The following TRAPPC9 variants were observed in gnomAD, a reference collection of about 807,000 sequenced individuals.
The protein encoded by TRAPPC9 is IKK2 binding protein.
TRAPPC9 carries 83 observed loss-of-function variants against 124.0 expected under a neutral mutation model. The observed-to-expected ratio is 0.67, with a 90% CI of 0.56 to 0.80. TRAPPC9 has a LOEUF of 0.80. TRAPPC9 is among the 30% of genes least tolerant of loss of function. The probability of loss-of-function intolerance (pLI) is 0.00; values close to 1 mark genes in which losing one functional copy is unlikely to be tolerated. For synonymous variants in TRAPPC9, 638 were observed against 617.5 expected (o/e 1.03, Z -0.49); for missense variants, 1,302 against 1,508.3 (o/e 0.86, Z 2.27).
chr8:140,329,301 T>C (rs1041946206), intron 9 of TRAPPC9, among the ~76,000 whole-genome samples: 2 of 152,150 alleles, frequency 1.3e-5, no homozygotes, highest in Admixed American at 1.3e-4. Flanking sequence ...AAACATCTGT[T>C]GGGATCACCA....
At chr8:139,914,383 C>T (rs1831963340) in intron 19 of TRAPPC9, among the ~76,000 whole-genome samples, 1 of 152,248 alleles carries the variant, frequency 6.6e-6, no homozygotes. Flanking sequence ...GCTGAGATCA[C>T]CTATTGCAGT....
chr8:140,385,329 C>A (rs1457236943), intron 7 of TRAPPC9, among the ~76,000 whole-genome samples: 1 of 152,036 alleles, frequency 6.6e-6, no homozygotes, highest in Non-Finnish European at 1.5e-5. Flanking sequence ...CAGAGCAGAA[C>A]TGAAGGAGAT....
chr8:139,905,627 G>A (rs1308181164), intron 20 of TRAPPC9, among the ~76,000 whole-genome samples: 2 of 152,118 alleles, frequency 1.3e-5, no homozygotes, highest in Non-Finnish European at 2.9e-5. Context: ...AACTGCCTGT[G>A]TCTGACCAGG....
chr8:139,797,895 T>C (rs774254101), intron 21 of TRAPPC9, among the ~76,000 whole-genome samples: 32 of 152,360 alleles, frequency 2.1e-4, no homozygotes, highest in South Asian at 1.0e-3. Flanking sequence ...GTCTTGATTA[T>C]TGCAGCTTTG....
At chr8:140,157,917 T>A (rs937006204) in intron 17 of TRAPPC9, among the ~76,000 whole-genome samples, 1 of 152,256 alleles carries the variant, frequency 6.6e-6, no homozygotes, top group Admixed American at 6.5e-5. Flanking sequence ...CACACTGTTT[T>A]ATAACTTGCC....
chr8:139,805,034 G>A (rs533993253), intron 21 of TRAPPC9, among the ~76,000 whole-genome samples: 1 of 152,310 alleles, frequency 6.6e-6, no homozygotes, highest in East Asian at 1.9e-4. Context: ...CCCCTGGAGA[G>A]GGGTCCTCAT....
chr8:140,141,420 A>G (rs948098541), intron 17 of TRAPPC9, among the ~76,000 whole-genome samples: 1 of 152,066 alleles, frequency 6.6e-6, no homozygotes, highest in Middle Eastern at 3.2e-3. Context: ...GATTTTTTTA[A>G]AACCCAGTAC....
At chr8:140,035,839 G>A (rs1039592585) in intron 17 of TRAPPC9, among the ~76,000 whole-genome samples, 2 of 152,224 alleles carry the variant, frequency 1.3e-5, no homozygotes, top group South Asian at 4.1e-4. Context: ...ACCAGGCAAG[G>A]CGGTAAACTG....
intron 19 of TRAPPC9, among the ~76,000 whole-genome samples, chr8:139,961,801 G>T (rs1215084209): frequency 8.1e-6 from 1 of 123,816 alleles, no homozygotes; most frequent in Non-Finnish European, 1.9e-5. Context: ...TGGACCAGTC[G>T]GCAGGCACTT....
intron 21 of TRAPPC9, among the ~76,000 whole-genome samples, chr8:139,794,919 C>T (rs768799930): frequency 1.3e-5 from 2 of 152,206 alleles, no homozygotes; most frequent in Non-Finnish European, 2.9e-5. Context: ...CACCTGACAT[C>T]AGGTCCATGG....
At chr8:140,292,462 C>T (rs770374773) in intron 11 of TRAPPC9, among the ~76,000 whole-genome samples, 7 of 152,196 alleles carry the variant, frequency 4.6e-5, no homozygotes, top group Admixed American at 6.5e-5. Flanking sequence ...CAGATAAGAA[C>T]GTCTGTTGAC....
intron 17 of TRAPPC9, among the ~76,000 whole-genome samples, chr8:140,209,271 C>G (rs2063000726): frequency 6.6e-6 from 1 of 152,196 alleles, no homozygotes; most frequent in Non-Finnish European, 1.5e-5. Context: ...AGCTCAGGAA[C>G]GTCGCCTTGT....
intron 14 of TRAPPC9, among the ~76,000 whole-genome samples, chr8:140,276,691 G>A (rs748920715): frequency 5.9e-5 from 9 of 152,110 alleles, no homozygotes; most frequent in African/African-American, 9.7e-5. Context: ...TAGCACAGTG[G>A]GGACAAATGC....
chr8:140,153,407 A>ATT (rs1261240397), intron 17 of TRAPPC9, among the ~76,000 whole-genome samples: 1 of 151,918 alleles, frequency 6.6e-6, no homozygotes, highest in Non-Finnish European at 1.5e-5. Flanking sequence ...AAATTGCATG[A>ATT]TTTCATCTTA....
In TRAPPC9 at chr8:140,360,112, G is replaced by A; in HGVS notation, c.1433C>T (p.Ala478Val). 10 of 1,614,226 alleles carry A rather than the reference G, an allele frequency of 6.2e-6. No individual in the cohort carries two copies. The highest frequency in any genetic ancestry group is 8.5e-6 in the Non-Finnish European group (10 of 1,180,050). Residue 478 changes from alanine (A) to valine (V), a missense_variant, in exon 9 of 23, where the codon GCC becomes GTC. Physicochemically the swap from Ala to Val is moderately conservative, Grantham distance 64. Coordinates refer to ENST00000438773, the MANE Select transcript of TRAPPC9 (RefSeq NM_001160372.4). Reference protein sequence around the residue: ...VYASRRMGNPALSVRHLSFLL... With the variant: ...VYASRRMGNPVLSVRHLSFLL... ...GAAGGACAGGTGTCTGACAGAGAGG[G>A]CAGGGTTCCCCATCCTTCGGGAGGC...
At chr8:139,747,325 GGAATCATGA>G (rs2130145662) in intron 21 of TRAPPC9, among the ~76,000 whole-genome samples, 1 of 152,068 alleles carries the variant, frequency 6.6e-6, no homozygotes, top group African/African-American at 2.4e-5. Context: ...GGGGTTTGGA[GGAATCATGA>G]GACCCTTTCC....
At chr8:140,062,862 T>C (rs551833193) in intron 17 of TRAPPC9, among the ~76,000 whole-genome samples, 7 of 152,290 alleles carry the variant, frequency 4.6e-5, no homozygotes, top group Admixed American at 1.3e-4. Context: ...TATCACACAC[T>C]ACTTCTCAGT....
chr8:140,388,847 C>CAAA (rs59649390), intron 7 of TRAPPC9, among the ~76,000 whole-genome samples: 3,441 of 60,884 alleles, frequency 0.057, 106 homozygotes, highest in African/African-American at 0.14. Context: ...GAGACTCCAT[C>CAAA]AAAAAAAAAA....
rs59393001 is a variant in TRAPPC9, at chr8:140,446,293, C to CAAAAAAAAAAA, written c.584+4486_584+4496dup. Among the ~76,000 whole-genome samples, 10 of 110,328 alleles carry CAAAAAAAAAAA rather than the reference C, an allele frequency of 9.1e-5. 4 individuals carry two copies. The allele number at this position is 110,328 out of a possible 152,430, so 72.4% of individuals were successfully genotyped here. On this transcript the variant is annotated intron_variant, in intron 2 of 22. Transcript: ENST00000438773. ...TGGGCGAAAGAGTAAGACTCTGTCT[C>CAAAAAAAAAAA]AAAAAAAAAAAAAAAAAAAGCAGAC...
Sources: allele counts gnomAD v4.1 joint callset (sites outside exome capture counted in the v4.1 genomes callset), GRCh38; gene constraint gnomAD v4.1.1; transcripts MANE v1.5; gene names NCBI Gene and HGNC (gene_info 2026-07-23, HGNC 2026-07-21).